SPTAN1: variants seen among roughly 807,000 people sequenced by gnomAD.
The protein encoded by SPTAN1 is spectrin alpha chain, non-erythrocytic 1.
SPTAN1 carries 61 observed loss-of-function variants against 331.3 expected under a neutral mutation model. That is an observed-to-expected ratio of 0.18 (90% CI 0.15 to 0.23). The LOEUF (loss-of-function observed/expected upper bound fraction) is 0.23. SPTAN1 is among the 10% of genes least tolerant of loss of function. The pLI is 1.00. For missense variants in SPTAN1, 2,043 were observed against 3,147.9 expected (o/e 0.65, Z 8.40); for synonymous variants, 1,153 against 1,173.9 (o/e 0.98, Z 0.36).
At position 128,582,744 on chromosome 9, in the gene SPTAN1, C is replaced by T. The variant is rs1391943816; in HGVS notation, c.1701C>T (p.Ala567=). The change falls in exon 14 of 57, where the codon GCC becomes GCT. Residue 567 remains alanine, a synonymous_variant. Transcript: ENST00000372739. ...ACGAGAGAGCCATGCGTCGCCGGGC[C>T]CAGCTAGCCGATTCTTTCCATCTGC... ...ALHERAMRRR[A]QLADSFHLQQ... 6.2e-7 allele frequency: 1 copy of T among 1,613,936 alleles called. No homozygotes were observed. Among genetic ancestry groups the T allele is most frequent in the African/African-American group, 1.3e-5 (1 of 74,914 alleles).
chr9:128,564,910 G>A (rs956177926), intron 1 of SPTAN1, among the ~76,000 whole-genome samples: 12 of 152,188 alleles, frequency 7.9e-5, no homozygotes, highest in Non-Finnish European at 1.0e-4. Flanking sequence ...ACTTCTATCC[G>A]CCACAAGGGT....
Position 128,584,345 on chromosome 9 carries a change from G to C in SPTAN1, c.2257G>C (p.Glu753Gln). 1.2e-6 allele frequency: 2 copies of C among 1,614,212 alleles called. No individual in the cohort carries two copies. Among genetic ancestry groups the C allele is most frequent in the Non-Finnish European group, 1.7e-6 (2 of 1,180,036 alleles). The change falls in exon 17 of 57, where the codon GAA becomes CAA. Residue 753 changes from glutamate to glutamine, a missense_variant. Physicochemically the swap from Glu to Gln is conservative, Grantham distance 29. Around this residue, in one of 12 missense-constraint regions of SPTAN1, gnomAD observed 1,038 missense variants for 1,531.5 expected, o/e 0.68. Coordinates refer to ENST00000372739, the MANE Select transcript of SPTAN1 (RefSeq NM_001130438.3). ...QFQDAGHFDA[E>Q]NIKKKQEALV... is the part of the protein sequence containing the mutation. ...CCAAGATGCTGGCCATTTTGATGCAGAAAACATCAAGAAGAAACAGGAAGC... is the reference window on the plus strand; with the variant it reads ...CCAAGATGCTGGCCATTTTGATGCACAAAACATCAAGAAGAAACAGGAAGC...
At chr9:128,584,121 A>G in intron 16 of SPTAN1, 152 bp downstream of exon 16, 2 of 1,446,938 alleles carry the variant, frequency 1.4e-6, no homozygotes, top group East Asian at 4.6e-5. Context: ...TTCTGCTCAA[A>G]TTAAATATCA....
chr9:128,626,100 A>G (rs183695592), intron 48 of SPTAN1, 122 bp downstream of exon 48: 2 of 1,245,456 alleles, frequency 1.6e-6, no homozygotes, highest in East Asian at 2.4e-5. Context: ...AGAGCTTTCA[A>G]ACATGGGTGT....
chr9:128,583,420 G>A, intron 15 of SPTAN1, 139 bp downstream of exon 15: 2 of 909,360 alleles, frequency 2.2e-6, no homozygotes, highest in East Asian at 5.3e-5. Flanking sequence ...TCCTGTGTAG[G>A]AATTACTTGG....
In SPTAN1 at chr9:128,629,045, G is replaced by A. The variant is rs1859242706; in HGVS notation, c.6707+1103G>A. The A allele has an allele frequency of 7.5e-6, 3 of 398,152 alleles. No homozygotes were observed. The highest frequency in any genetic ancestry group is 4.4e-5 in the Admixed American group (1 of 22,698). The allele number at this position is 398,152 out of a possible 1,614,324, so 24.7% of individuals were successfully genotyped here. On this transcript the variant is annotated intron_variant, in intron 51 of 56. Transcript: ENST00000372739. This position sits in a 1 kb window ranked among gnomAD's most constrained non-coding sequence, Gnocchi z 4.9. The stretch of plus-strand genomic sequence containing the variant: ...CCCTTGCCTGCGCCCTGCCAGCTTG[G>A]GCTTTGTGTGTGTCTGTTGCAGTGT...
intron 20 of SPTAN1, 92 bp downstream of exon 20, chr9:128,587,790 C>T (rs932481620): frequency 1.5e-5 from 14 of 942,148 alleles, no homozygotes; most frequent in Middle Eastern, 2.1e-4. Context: ...CCCCATTTGA[C>T]TCTGCTATTA....
chr9:128,603,007 A>G (rs569659031), intron 27 of SPTAN1, among the ~76,000 whole-genome samples: 1 of 152,310 alleles, frequency 6.6e-6, no homozygotes, highest in Admixed American at 6.5e-5. Flanking sequence ...CGTTGTTGAA[A>G]TGTACGTTGT....
intron 41 of SPTAN1, 150 bp downstream of exon 41, chr9:128,615,990 C>A (rs1184852891): frequency 1.2e-6 from 1 of 842,756 alleles, no homozygotes; most frequent in East Asian, 2.6e-5. Flanking sequence ...TCAGTGTCTT[C>A]TGCTTTCCGG....
chr9:128,630,318 T>C lies in SPTAN1; in HGVS notation c.6708-3T>C. ...CCTTTCCTCACTGTCCTTCCACGTTTAGGTCCTGTATGGTGGAAGAGTCGG... is the reference window on the plus strand; with the variant it reads ...CCTTTCCTCACTGTCCTTCCACGTTCAGGTCCTGTATGGTGGAAGAGTCGG... On this transcript the variant is annotated splice_region_variant and splice_polypyrimidine_tract_variant and intron_variant, in intron 51 of 56. Transcript: ENST00000372739. 1 of 1,613,714 alleles carries C rather than the reference T, an allele frequency of 6.2e-7. No individual in the cohort carries two copies. Among genetic ancestry groups the C allele is most frequent in the African/African-American group, 1.3e-5 (1 of 75,008 alleles).
chr9:128,628,068 TC>T, intron 51 of SPTAN1, 126 bp downstream of exon 51: 1 of 1,168,680 alleles, frequency 8.6e-7, no homozygotes, highest in Non-Finnish European at 1.3e-6. Context: ...GCACTTCCCC[TC>T]CCACCCTTCT....
At chr9:128,614,151 T>C (rs924039976) in intron 40 of SPTAN1, among the ~76,000 whole-genome samples, 1 of 151,974 alleles carries the variant, frequency 6.6e-6, no homozygotes, top group African/African-American at 2.4e-5. Flanking sequence ...ACCAAAGTCA[T>C]AGTTTCTTAA....
At chr9:128,563,445 C>CA (rs981789733) in intron 1 of SPTAN1, among the ~76,000 whole-genome samples, 2 of 152,088 alleles carry the variant, frequency 1.3e-5, no homozygotes, top group African/African-American at 4.8e-5. Context: ...GCCACTTTCT[C>CA]AGAGTATACT....
intron 1 of SPTAN1, among the ~76,000 whole-genome samples, chr9:128,559,352 T>C (rs1435537884): frequency 6.6e-6 from 1 of 152,206 alleles, no homozygotes; most frequent in Middle Eastern, 3.2e-3. Flanking sequence ...CTTGCTCAGA[T>C]GGAACCTTTG....
intron 1 of SPTAN1, among the ~76,000 whole-genome samples, chr9:128,561,015 CAA>C (rs10648319): frequency 2.2e-4 from 13 of 60,324 alleles, no homozygotes; most frequent in African/African-American, 6.2e-4. Flanking sequence ...GACCCCATCT[CAA>C]AAAAAAAAAA....
At chr9:128,591,931 G>A (rs552970547) in intron 22 of SPTAN1, among the ~76,000 whole-genome samples, 7 of 152,178 alleles carry the variant, frequency 4.6e-5, no homozygotes, top group Middle Eastern at 3.4e-3. Flanking sequence ...GATACTCTAC[G>A]CCCCTACAGC....
Position 128,555,330 on chromosome 9 carries a change from C to A in SPTAN1, c.-4+2634C>A, listed in dbSNP as rs779157129. 2.1e-5 allele frequency: 27 copies of A among 1,287,420 alleles called. No individual in the cohort carries two copies. The African/African-American group carries it at 4.0e-4, about 19-fold the overall frequency. The allele number at this position is 1,287,420 out of a possible 1,614,324, so 79.7% of individuals were successfully genotyped here. On this transcript the variant is annotated intron_variant, in intron 1 of 56. Coordinates refer to ENST00000372739, the MANE Select transcript of SPTAN1 (RefSeq NM_001130438.3). ...GCCCTTAGAAGCTTGTTATCTTGCTCTTCCCCCTCCCTCTTTAGACTCCAC... is the reference window on the plus strand; with the variant it reads ...GCCCTTAGAAGCTTGTTATCTTGCTATTCCCCCTCCCTCTTTAGACTCCAC...
chr9:128,570,818 C>A (rs758760557), intron 3 of SPTAN1, among the ~76,000 whole-genome samples: 1 of 152,058 alleles, frequency 6.6e-6, no homozygotes, highest in African/African-American at 2.4e-5. Context: ...TGTGCCACCA[C>A]AGCCAGCTAA....
At chr9:128,616,202 A>G (rs1404076506) in intron 41 of SPTAN1, among the ~76,000 whole-genome samples, 2 of 151,850 alleles carry the variant, frequency 1.3e-5, no homozygotes, top group Admixed American at 1.3e-4. Context: ...ATTCCAGTTG[A>G]TGTGGCAGGT....
Sources: gnomAD v4.1 joint callset for allele counts (sites outside exome capture counted in the v4.1 genomes callset) on GRCh38, gnomAD v4.1.1 for gene constraint, gnomAD v4.1.1 regional missense constraint, Gnocchi (gnomAD v3.1) non-coding constraint, MANE v1.5 for transcripts, NCBI Gene and HGNC (gene_info 2026-07-23, HGNC 2026-07-21) for gene names.